C3orf22: variants seen among roughly 807,000 people sequenced by gnomAD.
C3orf22 encodes the protein chromosome 3 open reading frame 22, also known as uncharacterized protein C3orf22.
Under a neutral mutation model 10.8 loss-of-function variants are expected in C3orf22, and 7 were observed. The observed-to-expected ratio is 0.65, with a 90% CI of 0.37 to 1.22. The LOEUF (loss-of-function observed/expected upper bound fraction) is 1.22. C3orf22 is among the 50% of genes most tolerant of loss of function. The pLI, the probability that C3orf22 is intolerant of heterozygous loss-of-function variation, is 0.02. For missense variants in C3orf22, 173 were observed against 177.0 expected (o/e 0.98, Z 0.13); for synonymous variants, 79 against 78.9 (o/e 1.00, Z 0.00).
At chr3:126,550,616 G>C (rs1937159627) in intron 3 of C3orf22, among the ~76,000 whole-genome samples, 1 of 152,154 alleles carries the variant, frequency 6.6e-6, no homozygotes, top group African/African-American at 2.4e-5. Flanking sequence ...GCTCCCCATT[G>C]TTTTGCTGCC....
At chr3:126,552,391 G>A (rs1279250083) in intron 2 of C3orf22, among the ~76,000 whole-genome samples, 2 of 152,186 alleles carry the variant, frequency 1.3e-5, no homozygotes, top group Non-Finnish European at 2.9e-5. Flanking sequence ...CAGCCAAACG[G>A]TGCAGAGCAC....
At position 126,553,133 on chromosome 3, in the gene C3orf22, G is replaced by A. The variant is rs1462158704; in HGVS notation, c.89+169C>T. 4.6e-5 allele frequency among the ~76,000 whole-genome samples: 7 copies of A among 152,214 alleles called. No individual in the cohort carries two copies. The East Asian group carries it at 1.4e-3, about 29-fold the overall frequency. ...CCCCTCGGCTTAGGCTGTGATGGGG[G>A]TAACGAAGGCGGACCCCAGACTGTC... is the stretch of plus-strand genomic sequence containing the variant. On this transcript the variant is annotated intron_variant, in intron 2 of 3. Coordinates refer to ENST00000318225, the MANE Select transcript of C3orf22 (RefSeq NM_152533.3).
intron 3 of C3orf22, among the ~76,000 whole-genome samples, chr3:126,551,255 T>C (rs201134874): frequency 3.7e-4 from 36 of 98,542 alleles, no homozygotes; most frequent in Admixed American, 1.0e-3. Context: ...GACCCCCCCC[T>C]GCCCCTGACA....
intron 4 of C3orf22, among the ~76,000 whole-genome samples, chr3:126,538,593 G>A (rs927316165): frequency 1.3e-5 from 2 of 152,252 alleles, no homozygotes; most frequent in Non-Finnish European, 2.9e-5. Flanking sequence ...CAGGTGGCCG[G>A]ATGGCCAACA....
rs201197161 is a variant in C3orf22, at chr3:126,552,004, C to G, written c.208G>C (p.Val70Leu). The change falls in exon 3 of 4, where the codon GTC becomes CTC. Residue 70 changes from valine (V) to leucine (L), a missense_variant. Coordinates refer to ENST00000318225, the MANE Select transcript of C3orf22 (RefSeq NM_152533.3). ...KRLVPTRSIP[V>L]RGLGAPDFTS... Reference sequence around the variant, plus strand: ...ATCAGGGCAGGGACTTACCCTCGGACTGGGATGGACCTCGTTGGCACCAAC... The same window carrying G: ...ATCAGGGCAGGGACTTACCCTCGGAGTGGGATGGACCTCGTTGGCACCAAC... 2 of 1,610,014 alleles carry G rather than the reference C, an allele frequency of 1.2e-6. No individual in the cohort carries two copies. Among genetic ancestry groups the G allele is most frequent in the African/African-American group, 1.3e-5 (1 of 74,830 alleles).
chr3:126,553,462 A>AGG, intron 1 of C3orf22, 32 bp from the exon 2 acceptor site: 2 of 589,742 alleles, frequency 3.4e-6, no homozygotes, highest in Non-Finnish European at 6.2e-6. Flanking sequence ...CAGAGGGGGC[A>AGG]GGGGTGGTGG....
intron 4 of C3orf22, among the ~76,000 whole-genome samples, chr3:126,538,374 C>T (rs1351699852): frequency 6.6e-6 from 1 of 152,218 alleles, no homozygotes; most frequent in Non-Finnish European, 1.5e-5. Context: ...TAAGGGTTTC[C>T]CCTGACTTTT....
chr3:126,547,605 C>T (rs749397859), downstream of C3orf22, among the ~76,000 whole-genome samples: 22 of 152,212 alleles, frequency 1.4e-4, no homozygotes, highest in Non-Finnish European at 2.6e-4. Flanking sequence ...AGGCAGCCAG[C>T]GACCCCTCCT....
At chr3:126,548,712 C>T (rs149746028), downstream of C3orf22, among the ~76,000 whole-genome samples, 2,246 of 152,200 alleles carry the variant, frequency 0.015, 47 homozygotes, top group African/African-American at 0.049. Flanking sequence ...CAGTGCAGCC[C>T]GGTCACCCTT....
chr3:126,543,488 AAG>A (rs1369228061), intron 4 of C3orf22, among the ~76,000 whole-genome samples: 2 of 152,074 alleles, frequency 1.3e-5, no homozygotes, highest in Non-Finnish European at 2.9e-5. Flanking sequence ...GCATAAGGTG[AAG>A]AGAGTGCACT....
chr3:126,542,289 A>C (rs761411451), intron 4 of C3orf22: 1 of 1,566,480 alleles, frequency 6.4e-7, no homozygotes, highest in Non-Finnish European at 8.6e-7. Context: ...TTCAACGAGC[A>C]CTGGGAGCGC....
intron 4 of C3orf22, among the ~76,000 whole-genome samples, chr3:126,536,932 ACAC>A (rs1576232183): frequency 1.4e-5 from 2 of 147,766 alleles, no homozygotes; most frequent in East Asian, 3.9e-4. Context: ...CACCCCACAC[ACAC>A]AAGTACTTAT....
chr3:126,536,307 G>T, intron 4 of C3orf22: 1 of 1,614,086 alleles, frequency 6.2e-7, no homozygotes, highest in Non-Finnish European at 8.5e-7. Context: ...AGCTGGCTTG[G>T]TGGGGAGAAG....
At chr3:126,542,061 T>C (rs770153640) in intron 4 of C3orf22, 1 of 1,581,834 alleles carries the variant, frequency 6.3e-7, no homozygotes, top group Non-Finnish European at 8.6e-7. Context: ...TACTTGGCCT[T>C]CCTGTTCGTG....
intron 4 of C3orf22, chr3:126,542,694 C>T: frequency 7.5e-7 from 1 of 1,340,428 alleles, no homozygotes; most frequent in South Asian, 1.9e-5. Flanking sequence ...GTGCACTCAC[C>T]TGGCCGCCGG....
At chr3:126,551,631 G>T (rs1299335340) in intron 3 of C3orf22, among the ~76,000 whole-genome samples, 1 of 152,186 alleles carries the variant, frequency 6.6e-6, no homozygotes, top group Non-Finnish European at 1.5e-5. Flanking sequence ...GCATTAGCCG[G>T]CCCAGTGCAG....
At chr3:126,542,839 A>G in intron 4 of C3orf22, 1 of 391,792 alleles carries the variant, frequency 2.6e-6, no homozygotes, top group Non-Finnish European at 4.4e-6. Context: ...GCACCTCTCC[A>G]GGCCCCGTAG....
chr3:126,537,957 G>A (rs1936833887), intron 4 of C3orf22, among the ~76,000 whole-genome samples: 1 of 152,318 alleles, frequency 6.6e-6, no homozygotes, highest in South Asian at 2.1e-4. Flanking sequence ...CCACACTGTG[G>A]GGGTGAGGAC....
At chr3:126,530,439 G>A (rs535175314) in intron 4 of C3orf22, among the ~76,000 whole-genome samples, 68 of 152,306 alleles carry the variant, frequency 4.5e-4, no homozygotes, top group Middle Eastern at 3.4e-3. Flanking sequence ...GGCCTGGGTC[G>A]GCTTCTCAGT....
Sources: allele counts gnomAD v4.1 joint callset (sites outside exome capture counted in the v4.1 genomes callset), GRCh38; gene constraint gnomAD v4.1.1; transcripts MANE v1.5; gene names NCBI Gene and HGNC (gene_info 2026-07-23, HGNC 2026-07-21).